KLHL6: variants seen among roughly 807,000 people sequenced by gnomAD.
KLHL6 encodes the protein kelch-like protein 6.
In KLHL6, 41 loss-of-function variants were observed where a neutral mutation model predicts 58.6. The observed-to-expected ratio is 0.70, with a 90% CI of 0.55 to 0.91. The LOEUF (loss-of-function observed/expected upper bound fraction) is 0.91, where lower values mean the gene tolerates loss of function less well. Ranked by LOEUF, KLHL6 falls within the 40% of genes least tolerant of loss-of-function variation. The pLI is 0.00. For synonymous variants in KLHL6, 338 were observed against 322.7 expected (o/e 1.05, Z -0.51); for missense variants, 714 against 805.6 (o/e 0.89, Z 1.38).
At chr3:183,541,270 C>T (rs1306182436) in intron 1 of KLHL6, among the ~76,000 whole-genome samples, 1 of 152,200 alleles carries the variant, frequency 6.6e-6, no homozygotes, top group African/African-American at 2.4e-5. Context: ...ATCTGGACTG[C>T]CAGGCCTGTC....
chr3:183,510,463 C>G (rs2108675937), intron 2 of KLHL6, among the ~76,000 whole-genome samples: 1 of 152,220 alleles, frequency 6.6e-6, no homozygotes, highest in South Asian at 2.1e-4. Flanking sequence ...CCAAGGTGAC[C>G]TAGGCTCTGG....
chr3:183,555,629 C>A lies in KLHL6; in HGVS notation c.25G>T (p.Ala9Ser), dbSNP rs376100820. ...TCGACCACATCACCCATGGTCCAGG[C>A]GCCCCTTTGTCCTGCCATCAACATC... is the stretch of plus-strand genomic sequence containing the variant. MLMAGQRG[A>S]WTMGDVVEKS... is the part of the protein sequence containing the mutation. The change falls in exon 1 of 7, where the codon GCC becomes TCC. Residue 9 changes from alanine (A) to serine (S), a missense_variant. Ala to Ser is a moderately conservative substitution (Grantham distance 99). Coordinates refer to ENST00000341319, the MANE Select transcript of KLHL6 (RefSeq NM_130446.4). 3 of 1,605,038 alleles carry A rather than the reference C, an allele frequency of 1.9e-6. No individual in the cohort carries two copies. The highest frequency in any genetic ancestry group is 2.2e-5 in the South Asian group (2 of 90,048).
intron 4 of KLHL6, among the ~76,000 whole-genome samples, chr3:183,496,963 C>A (rs1233407975): frequency 6.6e-6 from 1 of 152,104 alleles, no homozygotes; most frequent in Non-Finnish European, 1.5e-5. Flanking sequence ...CATGGTGAAA[C>A]CCTGTCTCTA....
At chr3:183,516,842 A>C (rs562504324) in intron 2 of KLHL6, among the ~76,000 whole-genome samples, 2 of 152,390 alleles carry the variant, frequency 1.3e-5, no homozygotes, top group South Asian at 2.1e-4. Context: ...ACAAATCAGC[A>C]TGTGTGAAGG....
chr3:183,523,853 G>A (rs907739549), intron 2 of KLHL6, among the ~76,000 whole-genome samples: 44 of 152,042 alleles, frequency 2.9e-4, no homozygotes, highest in Non-Finnish European at 5.6e-4. Flanking sequence ...TCCCCCTTCC[G>A]GGTTCAAGAG....
intron 1 of KLHL6, among the ~76,000 whole-genome samples, chr3:183,530,543 GA>G (rs993293807): frequency 1.3e-5 from 2 of 152,206 alleles, no homozygotes; most frequent in African/African-American, 4.8e-5. Context: ...TGCAAGGGGA[GA>G]GGGGTGAATT....
At position 183,489,659 on chromosome 3, in the gene KLHL6, T is replaced by G. The variant is rs1717490025; in HGVS notation, c.*2268A>C. 1.3e-5 allele frequency: 2 copies of G among 152,208 alleles called. No individual in the cohort carries two copies. The highest frequency in any genetic ancestry group is 6.5e-5 in the Admixed American group (1 of 15,292). 9.4% of individuals were successfully genotyped at this position (152,208 alleles called of 1,614,324 possible). A position where few individuals can be genotyped will look rare whatever the true frequency, so the allele number is the denominator to read the frequency against. The stretch of plus-strand genomic sequence containing the variant: ...TATAGTGCTCATGAGTCAGCAATAG[T>G]TTGTTCTAAAATTCCACAAATATGT... On this transcript the variant is annotated 3_prime_UTR_variant, in exon 7 of 7. Coordinates refer to ENST00000341319, the MANE Select transcript of KLHL6 (RefSeq NM_130446.4).
intron 2 of KLHL6, among the ~76,000 whole-genome samples, chr3:183,525,868 A>G (rs1255672787): frequency 1.3e-5 from 2 of 152,248 alleles, no homozygotes; most frequent in African/African-American, 4.8e-5. Flanking sequence ...AAAAAATGGA[A>G]GCCTGAGTGG....
chr3:183,552,717 C>CAAAAAAAAAAAAAAAAAA (rs1169148282), intron 1 of KLHL6, among the ~76,000 whole-genome samples: 1 of 47,608 alleles, frequency 2.1e-5, no homozygotes, highest in Non-Finnish European at 4.4e-5. Flanking sequence ...GACTCCGTCT[C>CAAAAAAAAAAAAAAAAAA]AAAAAAAAAA....
chr3:183,519,046 G>A (rs1035290851), intron 2 of KLHL6, among the ~76,000 whole-genome samples: 5 of 152,220 alleles, frequency 3.3e-5, no homozygotes, highest in African/African-American at 1.2e-4. Flanking sequence ...TGATCGCCGA[G>A]CTGAAAGCAG....
chr3:183,530,830 ATTTT>A (rs35902105), intron 1 of KLHL6, among the ~76,000 whole-genome samples: 68 of 123,960 alleles, frequency 5.5e-4, no homozygotes, highest in African/African-American at 1.8e-3. Context: ...GTGAACATGC[ATTTT>A]TTTTTTTTTT....
chr3:183,524,814 C>A (rs1156936459), intron 2 of KLHL6, among the ~76,000 whole-genome samples: 1 of 152,226 alleles, frequency 6.6e-6, no homozygotes, highest in Admixed American at 6.5e-5. Context: ...CTGTTCATTT[C>A]AGTCCCACAG....
chr3:183,504,992 A>G (rs1717964503), intron 3 of KLHL6, among the ~76,000 whole-genome samples: 1 of 152,204 alleles, frequency 6.6e-6, no homozygotes. Flanking sequence ...TTCACTTAGG[A>G]TAATGGCCTC....
Position 183,491,858 on chromosome 3 carries a change from T to C in KLHL6, c.*69A>G. ...TCGAGCCTGCTGCCTGAAGTGGGACTGGAGGAGGGTGAGAGGTGAGGCGGG... is the reference window on the plus strand; with the variant it reads ...TCGAGCCTGCTGCCTGAAGTGGGACCGGAGGAGGGTGAGAGGTGAGGCGGG... On this transcript the variant is annotated 3_prime_UTR_variant, in exon 7 of 7. Coordinates refer to ENST00000341319, the MANE Select transcript of KLHL6 (RefSeq NM_130446.4). 1 of 1,345,004 alleles carries C rather than the reference T, an allele frequency of 7.4e-7. No homozygotes were observed. Among genetic ancestry groups the C allele is most frequent in the Non-Finnish European group, 9.9e-7 (1 of 1,015,170 alleles). 83.3% of individuals were successfully genotyped at this position (1,345,004 alleles called of 1,614,324 possible).
Position 183,494,121 on chromosome 3 carries a change from G to C in KLHL6, c.1308C>G (p.Asn436Lys), listed in dbSNP as rs757201196. 1 of 1,614,174 alleles carries C rather than the reference G, an allele frequency of 6.2e-7. No homozygotes were observed. The highest frequency in any genetic ancestry group is 1.1e-5 in the South Asian group (1 of 91,078). Residue 436 changes from asparagine to lysine, a missense_variant, in exon 5 of 7, where the codon AAC becomes AAG. Physicochemically the swap from Asn to Lys is moderately conservative, Grantham distance 94. Around this residue, in one of 2 missense-constraint regions of KLHL6, gnomAD observed 510 missense variants for 629.7 expected, o/e 0.81. Coordinates refer to ENST00000341319, the MANE Select transcript of KLHL6 (RefSeq NM_130446.4). ...IGGFDGLQRI[N>K]NVETYDPFHN... ...GAAAGGGGTCGTAGGTCTCCACATT[G>C]TTGATTCTCTGTAAGCCGTCAAAGC...
rs1021590457 is a variant in KLHL6 at position 183,492,089 on chromosome 3, C to G, written c.1704G>C (p.Glu568Asp). 6 of 1,613,744 alleles carry G rather than the reference C, an allele frequency of 3.7e-6. No individual in the cohort carries two copies. The highest frequency in any genetic ancestry group is 1.3e-5 in the African/African-American group (1 of 74,936). ...NRLYITGGRD[E>D]KNEVIATVLC... ...GCACCGTGGCGATAACCTCGTTCTT[C>G]TCGTCCCGCCCGCCGGTGATGTAGA... The change falls in exon 7 of 7, where the codon GAG becomes GAC. Residue 568 changes from glutamate (E) to aspartate (D), a missense_variant. By Grantham distance (45) the Glu-to-Asp change is conservative (BLOSUM62 2). Coordinates refer to ENST00000341319, the MANE Select transcript of KLHL6 (RefSeq NM_130446.4). This position sits in a 1 kb window ranked among gnomAD's most constrained non-coding sequence, Gnocchi z 5.9.
rs1560088929 is a variant in KLHL6, at chr3:183,491,912, C to T, written c.*15G>A. The T allele has an allele frequency of 6.8e-7, 1 of 1,463,880 alleles. No homozygotes were observed. The allele number at this position is 1,463,880 out of a possible 1,614,324, so 90.7% of individuals were successfully genotyped here. On this transcript the variant is annotated 3_prime_UTR_variant, in exon 7 of 7. Coordinates refer to ENST00000341319, the MANE Select transcript of KLHL6 (RefSeq NM_130446.4). ...GCTGAGGGTCGGGGGGGCTCTCCAG[C>T]TCCCCATCCTGCCGTCAGACAGACA...
At chr3:183,539,568 G>A (rs1369669494) in intron 1 of KLHL6, among the ~76,000 whole-genome samples, 1 of 152,034 alleles carries the variant, frequency 6.6e-6, no homozygotes, top group Non-Finnish European at 1.5e-5. Flanking sequence ...AATTAGCTCG[G>A]TGTGGTGGCG....
At chr3:183,512,221 T>C (rs1188191758) in intron 2 of KLHL6, among the ~76,000 whole-genome samples, 2 of 152,058 alleles carry the variant, frequency 1.3e-5, no homozygotes, top group East Asian at 1.9e-4. Context: ...CAGTGCAAAA[T>C]ACCACGATCA....
Sources: gnomAD v4.1 joint callset for allele counts (sites outside exome capture counted in the v4.1 genomes callset) on GRCh38, gnomAD v4.1.1 for gene constraint, gnomAD v4.1.1 regional missense constraint, Gnocchi (gnomAD v3.1) non-coding constraint, MANE v1.5 for transcripts, NCBI Gene and HGNC (gene_info 2026-07-23, HGNC 2026-07-21) for gene names.